ADAMTSL1: variants seen among roughly 807,000 people sequenced by gnomAD.
ADAMTSL1 encodes ADAMTS-like protein 1.
In ADAMTSL1, 126 loss-of-function variants were observed where a neutral mutation model predicts 201.8. That is an observed-to-expected ratio of 0.62 (90% CI 0.54 to 0.72). ADAMTSL1 has a LOEUF of 0.72. ADAMTSL1 is among the 30% of genes least tolerant of loss of function. The probability of loss-of-function intolerance (pLI) is 0.00; values close to 1 mark genes in which losing one functional copy is unlikely to be tolerated. For missense variants in ADAMTSL1, 2,679 were observed against 2,277.8 expected (o/e 1.18, Z -3.59); for synonymous variants, 1,121 against 903.4 (o/e 1.24, Z -4.32).
intron 3 of ADAMTSL1, among the ~76,000 whole-genome samples, chr9:18,566,673 C>G (rs1430031148): frequency 6.6e-6 from 1 of 152,082 alleles, no homozygotes; most frequent in Non-Finnish European, 1.5e-5. Flanking sequence ...CCTGGAATGT[C>G]CCTGAAGACA....
At chr9:18,397,068 A>G (rs1300508036) in intron 2 of ADAMTSL1, among the ~76,000 whole-genome samples, 2 of 150,334 alleles carry the variant, frequency 1.3e-5, no homozygotes, top group Non-Finnish European at 2.9e-5. Flanking sequence ...GGGATCTACT[A>G]TTTTTTAACC....
intron 10 of ADAMTSL1, among the ~76,000 whole-genome samples, chr9:18,676,683 C>T (rs1830150425): frequency 1.3e-5 from 2 of 152,020 alleles, no homozygotes; most frequent in Admixed American, 6.6e-5. Context: ...TAGACCTATG[C>T]TCTATTTTCT....
chr9:18,897,810 C>T (rs1829742683), intron 26 of ADAMTSL1, among the ~76,000 whole-genome samples: 1 of 152,128 alleles, frequency 6.6e-6, no homozygotes, highest in South Asian at 2.1e-4. Context: ...CTAAATGAAT[C>T]CAACACTTCT....
At chr9:18,465,979 G>C (rs1007249805) in intron 2 of ADAMTSL1, among the ~76,000 whole-genome samples, 1 of 152,088 alleles carries the variant, frequency 6.6e-6, no homozygotes, top group South Asian at 2.1e-4. Flanking sequence ...TCGAACTCCT[G>C]ACCTCAGGTG....
intron 4 of ADAMTSL1, among the ~76,000 whole-genome samples, chr9:18,597,316 G>C (rs576146010): frequency 2.0e-5 from 3 of 152,262 alleles, no homozygotes; most frequent in South Asian, 4.2e-4. Flanking sequence ...GGAGTAATTT[G>C]TAATTTGGGA....
intron 2 of ADAMTSL1, among the ~76,000 whole-genome samples, chr9:18,399,419 A>C (rs1386081799): frequency 6.7e-6 from 1 of 149,562 alleles, no homozygotes; most frequent in Non-Finnish European, 1.5e-5. Flanking sequence ...GGCTCACTGC[A>C]ACCTCCGCCT....
At chr9:18,379,467 T>TG (rs1450041057) in intron 2 of ADAMTSL1, among the ~76,000 whole-genome samples, 1 of 152,210 alleles carries the variant, frequency 6.6e-6, no homozygotes, top group Non-Finnish European at 1.5e-5. Context: ...TATTGCCCAG[T>TG]GGGGGCTCTC....
At chr9:18,455,203 G>C (rs1820555162) in intron 2 of ADAMTSL1, among the ~76,000 whole-genome samples, 1 of 152,138 alleles carries the variant, frequency 6.6e-6, no homozygotes, top group Non-Finnish European at 1.5e-5. Context: ...CTCCCACTTA[G>C]TAACATTATG....
intron 22 of ADAMTSL1, among the ~76,000 whole-genome samples, chr9:18,829,250 G>A (rs991696970): frequency 1.3e-5 from 2 of 152,166 alleles, no homozygotes; most frequent in African/African-American, 2.4e-5. Context: ...GCATCGCATA[G>A]CAACATTCTC....
chr9:18,501,086 T>C (rs1186144507), intron 1 of ADAMTSL1, among the ~76,000 whole-genome samples: 2 of 152,194 alleles, frequency 1.3e-5, no homozygotes, highest in African/African-American at 4.8e-5. Flanking sequence ...GCAATCAGCG[T>C]TACTTTTAGG....
At chr9:18,095,886 A>G (rs999369531) in intron 1 of ADAMTSL1, among the ~76,000 whole-genome samples, 1 of 152,168 alleles carries the variant, frequency 6.6e-6, no homozygotes, top group African/African-American at 2.4e-5. Context: ...GCCTACTGCT[A>G]CTGGGTTGGT....
At chr9:18,151,973 T>C (rs902586061) in intron 1 of ADAMTSL1, among the ~76,000 whole-genome samples, 3 of 152,098 alleles carry the variant, frequency 2.0e-5, no homozygotes, top group African/African-American at 7.2e-5. Context: ...GGACATGCTC[T>C]ACTAGCTCAT....
chr9:18,826,620 A>C (rs1004210567), intron 22 of ADAMTSL1, among the ~76,000 whole-genome samples, 157 bp downstream of exon 22: 3 of 152,204 alleles, frequency 2.0e-5, no homozygotes, highest in Non-Finnish European at 4.4e-5. Context: ...TCGATAGAAC[A>C]CAAACTTTGA....
intron 1 of ADAMTSL1, among the ~76,000 whole-genome samples, chr9:18,120,525 A>T (rs1194165864): frequency 6.6e-6 from 1 of 152,196 alleles, no homozygotes; most frequent in African/African-American, 2.4e-5. Context: ...TCCCCTTTTT[A>T]TGAATTAGGC....
At chr9:18,291,640 C>G (rs916019816) in intron 2 of ADAMTSL1, among the ~76,000 whole-genome samples, 4 of 151,334 alleles carry the variant, frequency 2.6e-5, no homozygotes, top group African/African-American at 9.7e-5. Context: ...CCATTATAAT[C>G]AAGACCAAAA....
Position 18,816,174 on chromosome 9 carries a change from A to G in ADAMTSL1, c.3806-935A>G, listed in dbSNP as rs190284915. Among the ~76,000 whole-genome samples the G allele has an allele frequency of 9.9e-5, 15 of 152,250 alleles. No homozygotes were observed. In the East Asian group the frequency reaches 2.7e-3, roughly 27 times the overall value. ...CCTTCCCCAGTCTCTGTTAACCACT[A>G]TGCTACTCTCTACTTCTATAAGATC... On this transcript the variant is annotated intron_variant, in intron 20 of 28. Transcript: ENST00000380548.
intron 1 of ADAMTSL1, among the ~76,000 whole-genome samples, chr9:18,042,409 C>T (rs947660427): frequency 6.6e-6 from 1 of 152,074 alleles, no homozygotes; most frequent in African/African-American, 2.4e-5. Flanking sequence ...TGGACTATCT[C>T]ATTAAATCCT....
At chr9:18,795,662 C>A (rs974044635) in intron 20 of ADAMTSL1, 138 bp downstream of exon 20, 54 of 949,326 alleles carry the variant, frequency 5.7e-5, no homozygotes, top group Non-Finnish European at 7.6e-5. Flanking sequence ...TCTATAATTA[C>A]AACAGCAGTG....
At chr9:18,762,434 A>G (rs971811473) in intron 16 of ADAMTSL1, among the ~76,000 whole-genome samples, 63 of 152,178 alleles carry the variant, frequency 4.1e-4, no homozygotes, top group African/African-American at 1.4e-3. Context: ...CAGGCATGCA[A>G]TGTGAAATAA....
Sources: gnomAD v4.1 joint callset for allele counts (sites outside exome capture counted in the v4.1 genomes callset) on GRCh38, gnomAD v4.1.1 for gene constraint, MANE v1.5 for transcripts, NCBI Gene and HGNC (gene_info 2026-07-23, HGNC 2026-07-21) for gene names.